Variants in OSBP2 observed in about 807,000 individuals in gnomAD.
OSBP2 encodes oxysterol binding protein 2.
Under a neutral mutation model 96.0 loss-of-function variants are expected in OSBP2, and 66 were observed. The observed-to-expected ratio is 0.69, with a 90% CI of 0.56 to 0.84. The LOEUF is 0.84. Among genes scored for constraint, OSBP2 ranks in the 40% least tolerant of loss-of-function variants. The pLI is 0.00. For synonymous variants in OSBP2, 525 were observed against 520.9 expected (o/e 1.01, Z -0.11); for missense variants, 1,038 against 1,222.7 (o/e 0.85, Z 2.25).
intron 2 of OSBP2, among the ~76,000 whole-genome samples, chr22:30,787,525 T>C (rs1006017130): frequency 1.3e-5 from 2 of 151,730 alleles, no homozygotes; most frequent in Non-Finnish European, 2.9e-5. Flanking sequence ...ATACAAAAAT[T>C]AGGCGGGCAT....
At chr22:30,820,479 C>T (rs1047029039) in intron 2 of OSBP2, among the ~76,000 whole-genome samples, 4 of 150,490 alleles carry the variant, frequency 2.7e-5, no homozygotes, top group Non-Finnish European at 5.9e-5. Context: ...TCTCATGAGG[C>T]CTCTGGGAGC....
intron 2 of OSBP2, among the ~76,000 whole-genome samples, chr22:30,859,129 G>A (rs926438632): frequency 5.3e-5 from 8 of 151,966 alleles, no homozygotes; most frequent in African/African-American, 9.7e-5. Flanking sequence ...AGAGGCAGCC[G>A]CGTGTGGAAA....
At chr22:30,828,203 G>A (rs1166191550) in intron 2 of OSBP2, among the ~76,000 whole-genome samples, 2 of 152,228 alleles carry the variant, frequency 1.3e-5, no homozygotes, top group African/African-American at 4.8e-5. Context: ...ATGCTTTTGA[G>A]GCAGAGTGAA....
At chr22:30,695,715 G>T (rs1241297127) in intron 1 of OSBP2, among the ~76,000 whole-genome samples, 162 bp downstream of exon 1, 2 of 152,238 alleles carry the variant, frequency 1.3e-5, no homozygotes, top group Non-Finnish European at 2.9e-5. Context: ...GCCGCCAAGG[G>T]CCGGGGGCCC....
intron 2 of OSBP2, among the ~76,000 whole-genome samples, chr22:30,753,417 A>G (rs1420511305): frequency 6.6e-6 from 1 of 152,186 alleles, no homozygotes; most frequent in Non-Finnish European, 1.5e-5. Context: ...TGGCCTGGGC[A>G]TCATAGTCAG....
chr22:30,730,808 A>ATATATATATATATATATATT (rs1491303061), intron 1 of OSBP2, among the ~76,000 whole-genome samples: 1 of 39,334 alleles, frequency 2.5e-5, no homozygotes, highest in African/African-American at 1.2e-4. Flanking sequence ...ATATATATAT[A>ATATATATATATATATATATT]ATTTTTTTTT....
At chr22:30,758,366 A>C (rs11914180) in intron 2 of OSBP2, among the ~76,000 whole-genome samples, 7,041 of 152,246 alleles carry the variant, frequency 0.046, 557 homozygotes, top group African/African-American at 0.16. Context: ...GCACCACTGC[A>C]TTCCAGCCTG....
chr22:30,717,660 G>A (rs1216722657), intron 1 of OSBP2, among the ~76,000 whole-genome samples: 1 of 152,180 alleles, frequency 6.6e-6, no homozygotes, highest in Non-Finnish European at 1.5e-5. Flanking sequence ...AGATCCTTAG[G>A]TTGATGACAA....
intron 2 of OSBP2, among the ~76,000 whole-genome samples, chr22:30,746,485 C>CTTT (rs34500140): frequency 0.048 from 4,856 of 101,416 alleles, 452 homozygotes; most frequent in African/African-American, 0.11. Context: ...GGATGAAACA[C>CTTT]TTTTTTTTTT....
intron 5 of OSBP2, 104 bp downstream of exon 5, chr22:30,888,444 T>A: frequency 1.3e-6 from 1 of 777,648 alleles, no homozygotes; most frequent in South Asian, 1.5e-5. Flanking sequence ...TTCTTTCCTT[T>A]AAATCTTGCT....
chr22:30,820,058 G>A (rs925947689), intron 2 of OSBP2, among the ~76,000 whole-genome samples: 1 of 152,170 alleles, frequency 6.6e-6, no homozygotes, highest in Non-Finnish European at 1.5e-5. Flanking sequence ...TTGCCTGTAT[G>A]TTTCTGAACG....
chr22:30,756,510 C>A (rs1009876828), intron 2 of OSBP2, among the ~76,000 whole-genome samples: 3 of 152,036 alleles, frequency 2.0e-5, no homozygotes, highest in Non-Finnish European at 2.9e-5. Flanking sequence ...CTGACCAATA[C>A]GGTGAAACCC....
chr22:30,861,483 G>A (rs961573548), intron 2 of OSBP2, among the ~76,000 whole-genome samples: 2 of 152,198 alleles, frequency 1.3e-5, no homozygotes, highest in East Asian at 1.9e-4. Flanking sequence ...GAGAGGCCCC[G>A]AGAACTGAGA....
intron 2 of OSBP2, among the ~76,000 whole-genome samples, chr22:30,831,675 T>C (rs2038524782): frequency 6.6e-6 from 1 of 152,190 alleles, no homozygotes; most frequent in African/African-American, 2.4e-5. Flanking sequence ...TTGGGGGTGA[T>C]GCTGGCACTG....
chr22:30,826,671 A>G (rs984397474), intron 2 of OSBP2, among the ~76,000 whole-genome samples: 5 of 152,134 alleles, frequency 3.3e-5, no homozygotes, highest in African/African-American at 1.2e-4. Context: ...TCTCCCCTCC[A>G]GCACTCAGCA....
chr22:30,749,312 C>T (rs1384570756), intron 2 of OSBP2, among the ~76,000 whole-genome samples: 15 of 152,178 alleles, frequency 9.9e-5, no homozygotes, highest in Admixed American at 9.2e-4. Flanking sequence ...AGTACTGGGA[C>T]ATTTCCATAA....
chr22:30,811,555 GTTTA>G (rs1380643400), intron 2 of OSBP2, among the ~76,000 whole-genome samples: 3 of 150,924 alleles, frequency 2.0e-5, no homozygotes, highest in Non-Finnish European at 4.4e-5. Context: ...TTATTTGTTT[GTTTA>G]TTTATTTATT....
intron 12 of OSBP2, chr22:30,902,785 T>G: frequency 2.4e-6 from 1 of 417,082 alleles, no homozygotes; most frequent in East Asian, 5.8e-5. Context: ...AGAATGAGCC[T>G]GCGGTTGGGA....
chr22:30,745,823 C>T (rs767210616), intron 2 of OSBP2, among the ~76,000 whole-genome samples: 1 of 151,746 alleles, frequency 6.6e-6, no homozygotes, highest in East Asian at 1.9e-4. Context: ...AGAGAAGACT[C>T]GAATTACTGA....
Sources: gnomAD v4.1 joint callset for allele counts (sites outside exome capture counted in the v4.1 genomes callset) on GRCh38, gnomAD v4.1.1 for gene constraint, MANE v1.5 for transcripts, NCBI Gene and HGNC (gene_info 2026-07-23, HGNC 2026-07-21) for gene names.